The following C16orf96 variants were observed in gnomAD, a reference collection of about 807,000 sequenced individuals.
C16orf96 encodes the protein uncharacterized protein C16orf96.
In C16orf96, 108 loss-of-function variants were observed where a neutral mutation model predicts 103.6. That is an observed-to-expected ratio of 1.04 (90% CI 0.89 to 1.22). C16orf96 has a LOEUF of 1.22. Ranked by LOEUF, C16orf96 falls within the 50% of genes most tolerant of loss-of-function variation. C16orf96 has a pLI of 0.00. For missense variants in C16orf96, 1,586 were observed against 1,464.2 expected, an observed-to-expected ratio of 1.08 and a Z score of -1.36; for synonymous variants, 566 against 593.5, an observed-to-expected ratio of 0.95 and a Z score of 0.67.
the C16orf96 span, among the ~76,000 whole-genome samples, chr16:4,546,792 C>G: frequency 6.6e-6 from 1 of 151,920 alleles, no homozygotes; most frequent in Non-Finnish European, 1.5e-5. Context: ...TTTGACACAA[C>G]CAAATGTTCA....
Position 4,593,266 on chromosome 16 carries a change from G to T in C16orf96, c.2817G>T (p.Leu939=). ...GCAAAGCCCACCTGCTGTCCCGGCT[G>T]CGGCCAGCCAGCGCCAACAGCTGCG... ...TIRKAHLLSR[L]RPASANSCEY... The change falls in exon 12 of 16, where the codon CTG becomes CTT. Residue 939 remains leucine, a synonymous_variant. Coordinates refer to ENST00000444310, the MANE Select transcript of C16orf96 (RefSeq NM_001145011.2). This position sits in a 1 kb window ranked among gnomAD's most constrained non-coding sequence, Gnocchi z 4.2. The T allele has an allele frequency of 1.3e-6, 2 of 1,551,048 alleles. No individual in the cohort carries two copies. Among genetic ancestry groups the T allele is most frequent in the Non-Finnish European group, 1.7e-6 (2 of 1,146,920 alleles).
At chr16:4,595,690 T>TTCG (rs1555440701) in intron 14 of C16orf96, among the ~76,000 whole-genome samples, 1 of 150,604 alleles carries the variant, frequency 6.6e-6, no homozygotes, top group Non-Finnish European at 1.5e-5. Flanking sequence ...ATTCTGGTTT[T>TTCG]TTGTTGTTGT....
At chr16:4,548,258 G>C in the C16orf96 span, among the ~76,000 whole-genome samples, 1 of 152,188 alleles carries the variant, frequency 6.6e-6, no homozygotes, top group South Asian at 2.1e-4. Flanking sequence ...CAGGCTTGCA[G>C]AGGAGCTGCT....
intron 1 of C16orf96, among the ~76,000 whole-genome samples, chr16:4,566,406 T>C (rs914043968): frequency 8.5e-5 from 13 of 152,232 alleles, no homozygotes; most frequent in African/African-American, 2.9e-4. Flanking sequence ...GTAGTTTTGA[T>C]TTTCATTTCC....
Position 4,593,184 on chromosome 16 carries a change from C to T in C16orf96, c.2775-40C>T, listed in dbSNP as rs549012243. 234 of 1,534,680 alleles carry T rather than the reference C, an allele frequency of 1.5e-4. 1 individual carries two copies. In the African/African-American group the frequency reaches 2.4e-3, roughly 16 times the overall value. ...AGACGAGCCCTCTGCTGGCCTAGCA[C>T]GCCTCCCACAGCCCCTGCTGTGCCC... On this transcript the variant is annotated intron_variant, in intron 11 of 15. Coordinates refer to ENST00000444310, the MANE Select transcript of C16orf96 (RefSeq NM_001145011.2). The surrounding 1 kb of genome is among the most constrained non-coding windows in gnomAD (Gnocchi z 4.2).
At chr16:4,574,818 A>G (rs529642572) in intron 3 of C16orf96, 29 bp downstream of exon 3, 4 of 1,548,754 alleles carry the variant, frequency 2.6e-6, no homozygotes, top group Non-Finnish European at 3.5e-6. Context: ...GTCTTCCCCC[A>G]CTCCCCCTGG....
chr16:4,574,993 A>G lies in C16orf96; in HGVS notation c.628A>G (p.Lys210Glu), dbSNP rs1291793591. 1 of 1,551,488 alleles carries G rather than the reference A, an allele frequency of 6.4e-7. No homozygotes were observed. Among genetic ancestry groups the G allele is most frequent in the Non-Finnish European group, 8.7e-7 (1 of 1,146,982 alleles). ...REVASLQNKF[K>E]TIPKTEDMVL... ...GCAGGCTTCTCTCCAGAATAAGTTT[A>G]AAACCATCCCCAAAACCGAGGACAT... The change falls in exon 4 of 16, where the codon AAA (lysine) becomes GAA (glutamate). Residue 210 changes from lysine to glutamate, a missense_variant. By Grantham distance (56) the Lys-to-Glu change is moderately conservative (BLOSUM62 1). Transcript: ENST00000444310.
intron 2 of C16orf96, 142 bp downstream of exon 2, chr16:4,571,807 C>T (rs755431761): frequency 6.1e-6 from 4 of 650,412 alleles, no homozygotes; most frequent in Non-Finnish European, 1.0e-5. Context: ...CTCCAATTGG[C>T]CAGTGCCACC....
intron 1 of C16orf96, among the ~76,000 whole-genome samples, chr16:4,559,392 TA>T (rs1331054114): frequency 4.1e-5 from 6 of 146,660 alleles, no homozygotes; most frequent in East Asian, 4.1e-4. Context: ...AAAATAAAAA[TA>T]AAAAAAAATT....
At chr16:4,579,276 G>T (rs147106149) in intron 6 of C16orf96, among the ~76,000 whole-genome samples, 1 of 152,052 alleles carries the variant, frequency 6.6e-6, no homozygotes, top group Non-Finnish European at 1.5e-5. Flanking sequence ...AGGTGAAGCC[G>T]GTGCGGTGGC....
chr16:4,552,552 T>G (rs2059234843), upstream of C16orf96, among the ~76,000 whole-genome samples: 1 of 152,072 alleles, frequency 6.6e-6, no homozygotes. Context: ...GTTGTCTTTG[T>G]TCATTCTCAC....
intron 7 of C16orf96, among the ~76,000 whole-genome samples, chr16:4,585,827 G>C (rs150160087): frequency 8.1e-4 from 123 of 152,314 alleles, no homozygotes; most frequent in Admixed American, 1.2e-3. Flanking sequence ...ATTATTCTAA[G>C]TGAAGCAACT....
upstream of C16orf96, among the ~76,000 whole-genome samples, chr16:4,552,700 C>G (rs537906411): frequency 1.1e-4 from 17 of 152,192 alleles, no homozygotes; most frequent in African/African-American, 3.9e-4. Context: ...GCTGGACTGG[C>G]TGGGTCACAG....
rs1201234594 is a variant in C16orf96, at chr16:4,576,231, C to G, written c.1751C>G (p.Ser584Cys). The change falls in exon 5 of 16, where the codon TCC becomes TGC. Residue 584 changes from serine (S) to cysteine (C), a missense_variant. Coordinates refer to ENST00000444310, the MANE Select transcript of C16orf96 (RefSeq NM_001145011.2). ...AAAAYAAATSSAAQAAKVAAK... is the reference protein window; with the variant it reads ...AAAAYAAATSCAAQAAKVAAK... ...GCAGCCTACGCCGCTGCCACATCCTCCGCTGCCCAGGCAGCCAAAGTTGCT... is the reference window on the plus strand; with the variant it reads ...GCAGCCTACGCCGCTGCCACATCCTGCGCTGCCCAGGCAGCCAAAGTTGCT... 6.4e-7 allele frequency: 1 copy of G among 1,550,824 alleles called. No homozygotes were observed. The highest frequency in any genetic ancestry group is 2.0e-5 in the Admixed American group (1 of 51,006).
chr16:4,542,884 A>C, the C16orf96 span, among the ~76,000 whole-genome samples: 1 of 152,226 alleles, frequency 6.6e-6, no homozygotes, highest in East Asian at 1.9e-4. Flanking sequence ...AGGACATCTC[A>C]ATTTGGAGCA....
intron 7 of C16orf96, among the ~76,000 whole-genome samples, chr16:4,582,373 T>A (rs971845372): frequency 1.3e-5 from 2 of 152,046 alleles, no homozygotes; most frequent in Admixed American, 1.3e-4. Flanking sequence ...GTCGGGGGGC[T>A]GTTGCTGGGA....
chr16:4,563,980 C>G (rs957552091), intron 1 of C16orf96, among the ~76,000 whole-genome samples: 3 of 150,904 alleles, frequency 2.0e-5, no homozygotes, highest in South Asian at 2.1e-4. Context: ...GGCGGATCAC[C>G]TGAGCTCAGG....
intron 1 of C16orf96, among the ~76,000 whole-genome samples, chr16:4,569,382 G>A (rs1396584451): frequency 6.6e-6 from 1 of 152,094 alleles, no homozygotes; most frequent in Non-Finnish European, 1.5e-5. Flanking sequence ...TTTTCTAAAA[G>A]ATAGTTTATT....
At chr16:4,594,925 G>A (rs1276874822) in intron 14 of C16orf96, 122 bp downstream of exon 14, 9 of 1,075,004 alleles carry the variant, frequency 8.4e-6, no homozygotes. Flanking sequence ...TCCTCACACA[G>A]TCAGTCACAA....
Sources: gnomAD v4.1 joint callset for allele counts (sites outside exome capture counted in the v4.1 genomes callset) on GRCh38, gnomAD v4.1.1 for gene constraint, Gnocchi (gnomAD v3.1) non-coding constraint, MANE v1.5 for transcripts, NCBI Gene and HGNC (gene_info 2026-07-23, HGNC 2026-07-21) for gene names.